Variants in STX12 observed in about 807,000 individuals in gnomAD.
The protein encoded by STX12 is syntaxin-12.
In STX12, 17 loss-of-function variants were observed where a neutral mutation model predicts 42.2. The ratio of observed to expected loss-of-function variants is 0.40; its 90% confidence interval spans 0.28 to 0.60. STX12 has a LOEUF of 0.60. Ranked by LOEUF, STX12 falls within the 20% of genes least tolerant of loss-of-function variation. The pLI, the probability that STX12 is intolerant of heterozygous loss-of-function variation, is 0.39. For synonymous variants in STX12, 108 were observed against 116.7 expected, an observed-to-expected ratio of 0.93 and a Z score of 0.48; for missense variants, 297 against 330.9, an observed-to-expected ratio of 0.90 and a Z score of 0.79.
At chr1:27,789,145 T>C (rs2088720746) in intron 1 of STX12, among the ~76,000 whole-genome samples, 1 of 152,234 alleles carries the variant, frequency 6.6e-6, no homozygotes. Flanking sequence ...GGTAACCCAT[T>C]ATTAGTAATA....
intron 4 of STX12, among the ~76,000 whole-genome samples, chr1:27,805,085 C>T (rs2088854623): frequency 6.6e-6 from 1 of 152,054 alleles, no homozygotes; most frequent in African/African-American, 2.4e-5. Flanking sequence ...GGAAAACTGT[C>T]CCCATGCTTC....
At chr1:27,812,052 G>A (rs1337120379) in intron 5 of STX12, 111 bp from the exon 6 acceptor site, 6 of 855,568 alleles carry the variant, frequency 7.0e-6, no homozygotes, top group Middle Eastern at 2.2e-4. Flanking sequence ...GCAGAGGACT[G>A]GAGCCCTGGT....
At chr1:27,784,767 AG>A (rs1283929704) in intron 1 of STX12, among the ~76,000 whole-genome samples, 1 of 152,176 alleles carries the variant, frequency 6.6e-6, no homozygotes, top group Non-Finnish European at 1.5e-5. Context: ...TTTGAGTTTT[AG>A]GGTATCTGAT....
At chr1:27,822,174 A>T (rs2088989183) in intron 8 of STX12, 57 bp from the exon 9 acceptor site, 1 of 1,039,374 alleles carries the variant, frequency 9.6e-7, no homozygotes, top group Non-Finnish European at 1.5e-6. Context: ...TTAGAGTCTT[A>T]CACATACAAA....
intron 8 of STX12, among the ~76,000 whole-genome samples, chr1:27,821,168 T>TA (rs879596474): frequency 7.5e-4 from 104 of 138,998 alleles, no homozygotes; most frequent in Middle Eastern, 3.6e-3. Flanking sequence ...AACGTATAAT[T>TA]AAAAAAAAAA....
intron 1 of STX12, among the ~76,000 whole-genome samples, chr1:27,786,543 A>G (rs2088700199): frequency 6.6e-6 from 1 of 151,970 alleles, no homozygotes; most frequent in South Asian, 2.1e-4. Context: ...TTCTCTTTAT[A>G]CCATTTTTCA....
chr1:27,803,998 C>G (rs1452739893), intron 4 of STX12, among the ~76,000 whole-genome samples: 1 of 151,198 alleles, frequency 6.6e-6, no homozygotes, highest in Non-Finnish European at 1.5e-5. Context: ...AAGATTGTAT[C>G]TCAAAAAACA....
At chr1:27,809,105 G>T (rs189614393) in intron 4 of STX12, among the ~76,000 whole-genome samples, 324 of 152,294 alleles carry the variant, frequency 2.1e-3, no homozygotes, top group African/African-American at 6.3e-3. Flanking sequence ...GGAGGCCGAG[G>T]CAGGCGGATC....
chr1:27,813,005 G>C (rs1362801256), intron 6 of STX12, among the ~76,000 whole-genome samples: 1 of 152,094 alleles, frequency 6.6e-6, no homozygotes, highest in Admixed American at 6.6e-5. Flanking sequence ...CAAAAGTCTT[G>C]CTCCATTTTT....
intron 1 of STX12, among the ~76,000 whole-genome samples, chr1:27,788,396 C>A (rs1276480502): frequency 6.6e-6 from 1 of 152,186 alleles, no homozygotes; most frequent in Non-Finnish European, 1.5e-5. Context: ...CCCAGGCAGG[C>A]TGGCGTTAGA....
At chr1:27,791,761 G>A (rs1571520981) in intron 2 of STX12, among the ~76,000 whole-genome samples, 2 of 152,070 alleles carry the variant, frequency 1.3e-5, no homozygotes, top group African/African-American at 4.8e-5. Context: ...GTTGCAGTGA[G>A]CTGAGATCAC....
intron 3 of STX12, among the ~76,000 whole-genome samples, chr1:27,799,500 T>TTTTTTTTTTTTTTTTTTTTA (rs2088812534): frequency 6.6e-6 from 1 of 151,298 alleles, no homozygotes; most frequent in African/African-American, 2.5e-5. Context: ...TTTTTTTTTT[T>TTTTTTTTTTTTTTTTTTTTA]GAGACAGAAC....
At chr1:27,795,369 A>G (rs1207191026) in intron 3 of STX12, among the ~76,000 whole-genome samples, 1 of 151,610 alleles carries the variant, frequency 6.6e-6, no homozygotes, top group Non-Finnish European at 1.5e-5. Flanking sequence ...GCAGTGGGAT[A>G]ATCTTGGCTT....
chr1:27,773,224 T>C lies in STX12; in HGVS notation c.-84T>C, dbSNP rs1019821161. On this transcript the variant is annotated 5_prime_UTR_variant, in exon 1 of 9. Coordinates refer to ENST00000373943, the MANE Select transcript of STX12 (RefSeq NM_177424.3). ...CCTTCCCCGCCCTTGCTCTTCCCAG[T>C]TTCTCCGTCAGCCTGCGGGTCCCGG... The C allele has an allele frequency of 2.2e-6, 2 of 889,832 alleles. No homozygotes were observed. Among genetic ancestry groups the C allele is most frequent in the African/African-American group, 3.4e-5 (2 of 59,446 alleles). 55.1% of individuals were successfully genotyped at this position (889,832 alleles called of 1,614,324 possible).
chr1:27,788,603 C>T (rs560242331), intron 1 of STX12, among the ~76,000 whole-genome samples: 1 of 152,300 alleles, frequency 6.6e-6, no homozygotes, highest in East Asian at 1.9e-4. Flanking sequence ...AGAACATAGC[C>T]ATTGGAATCT....
intron 6 of STX12, among the ~76,000 whole-genome samples, chr1:27,815,911 C>CA (rs1039126749): frequency 2.0e-5 from 3 of 152,200 alleles, no homozygotes; most frequent in African/African-American, 7.2e-5. Context: ...CGTGGTGGTT[C>CA]ACACCTGTAA....
intron 6 of STX12, among the ~76,000 whole-genome samples, 166 bp downstream of exon 6, chr1:27,812,434 G>T (rs891951922): frequency 1.5e-5 from 2 of 137,050 alleles, no homozygotes; most frequent in African/African-American, 3.5e-5. Flanking sequence ...TGAACTACCG[G>T]TTTTTTTTGT....
At position 27,811,945 on chromosome 1, in the gene STX12, C is replaced by G. The variant is rs1274314605; in HGVS notation, c.471-218C>G. 4.8e-6 allele frequency: 3 copies of G among 625,770 alleles called. No individual in the cohort carries two copies. In the Admixed American group the frequency reaches 6.4e-5, roughly 13 times the overall value. The allele number at this position is 625,770 out of a possible 1,614,324, so 38.8% of individuals were successfully genotyped here. On this transcript the variant is annotated intron_variant, in intron 5 of 8. Coordinates refer to ENST00000373943, the MANE Select transcript of STX12 (RefSeq NM_177424.3). Reference sequence around the variant, plus strand: ...CATCCGTCATAATTCTGCCACATGTCAGCTTTGCCCATGGAAGCTGAGTCT... The same window carrying G: ...CATCCGTCATAATTCTGCCACATGTGAGCTTTGCCCATGGAAGCTGAGTCT...
At chr1:27,818,448 C>T (rs960425443) in intron 7 of STX12, among the ~76,000 whole-genome samples, 7 of 151,438 alleles carry the variant, frequency 4.6e-5, no homozygotes, top group Admixed American at 6.6e-5. Flanking sequence ...TTAGGAATGC[C>T]GTTTTAAAAA....
Sources: allele counts gnomAD v4.1 joint callset (sites outside exome capture counted in the v4.1 genomes callset), GRCh38; gene constraint gnomAD v4.1.1; transcripts MANE v1.5; gene names NCBI Gene and HGNC (gene_info 2026-07-23, HGNC 2026-07-21).